ATP11A: variants seen among roughly 807,000 people sequenced by gnomAD.
ATP11A encodes the protein ATPase phospholipid transporting 11A, also known as phospholipid-transporting ATPase IH.
Under a neutral mutation model 154.4 loss-of-function variants are expected in ATP11A, and 81 were observed. The observed-to-expected ratio is 0.52, with a 90% CI of 0.44 to 0.63. The LOEUF is 0.63. ATP11A is among the 30% of genes least tolerant of loss of function. The pLI, the probability that ATP11A is intolerant of heterozygous loss-of-function variation, is 0.00. For synonymous variants in ATP11A, 623 were observed against 585.9 expected (o/e 1.06, Z -0.91); for missense variants, 1,316 against 1,474.3 (o/e 0.89, Z 1.76).
At chr13:112,813,304 G>A (rs145644434) in intron 5 of ATP11A, among the ~76,000 whole-genome samples, 1,625 of 152,228 alleles carry the variant, frequency 0.011, 12 homozygotes, top group Non-Finnish European at 0.011. Context: ...CCATTTGCTC[G>A]GATGTGCTGC....
intron 1 of ATP11A, among the ~76,000 whole-genome samples, chr13:112,710,266 G>T (rs900148861): frequency 4.6e-5 from 7 of 152,170 alleles, no homozygotes; most frequent in Non-Finnish European, 1.0e-4. Context: ...TTCTCACAAA[G>T]AATGCATCGT....
Position 112,880,693 on chromosome 13 carries a change from C to T in ATP11A, c.*10-1183C>T, listed in dbSNP as rs140879558. The T allele has an allele frequency of 1.1e-4, 140 of 1,254,046 alleles. No individual in the cohort carries two copies. In the African/African-American group the frequency reaches 1.8e-3, roughly 17 times the overall value. The allele number at this position is 1,254,046 out of a possible 1,614,324, so 77.7% of individuals were successfully genotyped here. A position where few individuals can be genotyped will look rare whatever the true frequency, so the allele number is the denominator to read the frequency against. ...GACGCCGCCCGTGTGCTGTGACTGT[C>T]AGACCCGTTTTTCCTCCAAAGTTGT... On this transcript the variant is annotated intron_variant, in intron 29 of 29. Coordinates refer to ENST00000375645, the MANE Select transcript of ATP11A (RefSeq NM_015205.3).
chr13:112,882,879 AC>A lies in ATP11A; in HGVS notation c.*1015del. 1 of 398,796 alleles carries A rather than the reference AC, an allele frequency of 2.5e-6. No individual in the cohort carries two copies. Among genetic ancestry groups the A allele is most frequent in the Non-Finnish European group, 4.4e-6 (1 of 226,266 alleles). The allele number at this position is 398,796 out of a possible 1,614,324, so 24.7% of individuals were successfully genotyped here. A position where few individuals can be genotyped will look rare whatever the true frequency, so the allele number is the denominator to read the frequency against. Reference sequence around the variant, plus strand: ...GTCAACACCAAGGTGGTGTTCGTGCACCAGAACCTGTCTCGGGCTGACGGGG... The same window carrying A: ...GTCAACACCAAGGTGGTGTTCGTGCACAGAACCTGTCTCGGGCTGACGGGG... On this transcript the variant is annotated 3_prime_UTR_variant, in exon 30 of 30. Transcript: ENST00000375645. The surrounding 1 kb of genome is among the most constrained non-coding windows in gnomAD (Gnocchi z 5.1).
chr13:112,839,193 T>C (rs2079323778), intron 16 of ATP11A, among the ~76,000 whole-genome samples: 1 of 152,130 alleles, frequency 6.6e-6, no homozygotes, highest in Non-Finnish European at 1.5e-5. Flanking sequence ...AATCTCTCTT[T>C]TGGGGGATCC....
chr13:112,823,329 C>A lies in ATP11A; in HGVS notation c.726-16C>A, dbSNP rs369624424. On this transcript the variant is annotated splice_polypyrimidine_tract_variant and intron_variant, in intron 8 of 29. Transcript: ENST00000375645. ...CCTTCGTGTCCGCATCATTTCTGAT[C>A]ATCGTATCTTTACAGGCCCTTAGGA... The A allele has an allele frequency of 1.2e-6, 2 of 1,611,160 alleles. No individual in the cohort carries two copies. The highest frequency in any genetic ancestry group is 1.7e-5 in the Admixed American group (1 of 59,854).
intron 29 of ATP11A, 193 bp from the exon 30 acceptor site, chr13:112,881,683 G>C: frequency 2.4e-6 from 3 of 1,252,642 alleles, no homozygotes; most frequent in Middle Eastern, 5.3e-4. Flanking sequence ...CAGGACGAGG[G>C]TGTGTCCTGA....
At chr13:112,811,152 G>T (rs1317111768) in intron 5 of ATP11A, among the ~76,000 whole-genome samples, 1 of 89,506 alleles carries the variant, frequency 1.1e-5, no homozygotes, top group East Asian at 3.0e-4. Flanking sequence ...TGTACCCACT[G>T]CCCCTTCCAA....
chr13:112,779,025 G>A (rs1268601202), intron 1 of ATP11A, among the ~76,000 whole-genome samples: 15 of 140,642 alleles, frequency 1.1e-4, no homozygotes, highest in East Asian at 2.2e-4. Context: ...GTGAGTAGCC[G>A]CTGGAGTGAG....
intron 2 of ATP11A, among the ~76,000 whole-genome samples, chr13:112,799,525 G>C (rs1447020361): frequency 6.6e-6 from 1 of 152,146 alleles, no homozygotes; most frequent in Non-Finnish European, 1.5e-5. Context: ...AGGGTGGGGA[G>C]GTCATGAGAC....
chr13:112,844,858 GCA>G (rs1594154227), intron 17 of ATP11A, among the ~76,000 whole-genome samples: 1 of 151,700 alleles, frequency 6.6e-6, no homozygotes, highest in South Asian at 2.1e-4. Context: ...CAGTTGCCGG[GCA>G]CTAACAGTAC....
At chr13:112,881,291 T>A (rs567277362) in intron 29 of ATP11A, 2 of 997,104 alleles carry the variant, frequency 2.0e-6, no homozygotes, top group African/African-American at 3.5e-5. Flanking sequence ...TCAGAAGCCA[T>A]GCAGGCCCCA....
At chr13:112,819,167 T>A in intron 6 of ATP11A, 137 bp from the exon 7 acceptor site, 1 of 725,988 alleles carries the variant, frequency 1.4e-6, no homozygotes, top group Non-Finnish European at 2.4e-6. Context: ...CAGTAGTACC[T>A]TATCTTTCTG....
intron 25 of ATP11A, among the ~76,000 whole-genome samples, chr13:112,871,176 G>A (rs1255393048): frequency 6.6e-6 from 1 of 152,162 alleles, no homozygotes; most frequent in Non-Finnish European, 1.5e-5. Context: ...CTCGCAGAAC[G>A]TTCCCGCCGC....
intron 1 of ATP11A, among the ~76,000 whole-genome samples, chr13:112,714,795 A>G (rs995550920): frequency 6.6e-6 from 1 of 152,168 alleles, no homozygotes; most frequent in African/African-American, 2.4e-5. Context: ...AACACACATA[A>G]CAAACATGCA....
intron 1 of ATP11A, among the ~76,000 whole-genome samples, chr13:112,742,884 A>G (rs552669792): frequency 6.4e-4 from 98 of 152,338 alleles, no homozygotes; most frequent in Non-Finnish European, 5.0e-4. Flanking sequence ...GACTTTCTGC[A>G]GATAGACACC....
At chr13:112,836,149 C>CGGT in intron 15 of ATP11A, 29 bp from the exon 16 acceptor site, 1 of 1,562,210 alleles carries the variant, frequency 6.4e-7, no homozygotes, top group Non-Finnish European at 8.8e-7. Flanking sequence ...CCCGTGTGGA[C>CGGT]GGTGTGACCT....
chr13:112,821,603 G>A (rs967492419), intron 8 of ATP11A, among the ~76,000 whole-genome samples: 3 of 152,130 alleles, frequency 2.0e-5, no homozygotes, highest in Non-Finnish European at 2.9e-5. Flanking sequence ...GAGCCACCGC[G>A]CCTGGCCTAG....
intron 1 of ATP11A, among the ~76,000 whole-genome samples, chr13:112,691,918 T>A (rs1244810684): frequency 1.3e-5 from 2 of 152,038 alleles, no homozygotes; most frequent in Admixed American, 1.3e-4. Context: ...TGGAGAGAAC[T>A]CACCCCTGGT....
intron 7 of ATP11A, 72 bp from the exon 8 acceptor site, chr13:112,819,828 G>T: frequency 6.5e-7 from 1 of 1,534,368 alleles, no homozygotes; most frequent in African/African-American, 1.4e-5. Flanking sequence ...ACAGAAGGCA[G>T]GTGGGCCAGG....
Sources: allele counts gnomAD v4.1 joint callset (sites outside exome capture counted in the v4.1 genomes callset), GRCh38; gene constraint gnomAD v4.1.1; non-coding constraint Gnocchi (gnomAD v3.1); transcripts MANE v1.5; gene names NCBI Gene and HGNC (gene_info 2026-07-23, HGNC 2026-07-21).